BACH2: variants seen among roughly 807,000 people sequenced by gnomAD.
BACH2 encodes transcription regulator protein BACH2.
In BACH2, 5 loss-of-function variants were observed where a neutral mutation model predicts 61.8. The ratio of observed to expected loss-of-function variants is 0.08; its 90% CI spans 0.04 to 0.17. The LOEUF (loss-of-function observed/expected upper bound fraction) is 0.17, where lower values mean the gene tolerates loss of function less well. BACH2 is among the 10% of genes least tolerant of loss of function. The pLI, the probability that BACH2 is intolerant of heterozygous loss-of-function variation, is 1.00. For synonymous variants in BACH2, 446 were observed against 440.1 expected, an observed-to-expected ratio of 1.01 and a Z score of -0.17; for missense variants, 824 against 1,091.1, an observed-to-expected ratio of 0.76 and a Z score of 3.45.
intron 5 of BACH2, among the ~76,000 whole-genome samples, chr6:90,033,206 T>C (rs1779094139): frequency 6.6e-6 from 1 of 151,502 alleles, no homozygotes; most frequent in African/African-American, 2.4e-5. Flanking sequence ...GGGGCCTGTT[T>C]TGGGGAGGAG....
chr6:90,193,989 T>C (rs1054695653), intron 4 of BACH2, among the ~76,000 whole-genome samples: 1 of 152,136 alleles, frequency 6.6e-6, no homozygotes, highest in African/African-American at 2.4e-5. Context: ...CCAATAGAAG[T>C]AGAATTTCCT....
chr6:89,937,095 G>C (rs1328629026), intron 8 of BACH2, among the ~76,000 whole-genome samples: 7 of 152,046 alleles, frequency 4.6e-5, no homozygotes, highest in Non-Finnish European at 1.0e-4. Flanking sequence ...ACATAGCTCT[G>C]AGTATGGGGG....
intron 4 of BACH2, among the ~76,000 whole-genome samples, chr6:90,112,462 GA>G (rs1783215644): frequency 6.6e-6 from 1 of 152,134 alleles, no homozygotes; most frequent in African/African-American, 2.4e-5. Context: ...CATTCTTACA[GA>G]AAAAAGTCTT....
At chr6:89,939,788 C>G (rs972025031) in intron 7 of BACH2, among the ~76,000 whole-genome samples, 7 of 149,792 alleles carry the variant, frequency 4.7e-5, no homozygotes, top group African/African-American at 1.7e-4. Flanking sequence ...CCTTGGCCTC[C>G]CAAGTAGCTG....
At chr6:90,047,362 T>A (rs1471243354) in intron 5 of BACH2, among the ~76,000 whole-genome samples, 3 of 152,096 alleles carry the variant, frequency 2.0e-5, no homozygotes, top group African/African-American at 7.2e-5. Flanking sequence ...CTGGTGAGAA[T>A]CCAATGTCAG....
Position 89,950,737 on chromosome 6 carries a change from C to T in BACH2, c.1369G>A (p.Asp457Asn). Residue 457 changes from aspartate (D) to asparagine (N), a missense_variant, in exon 7 of 9, where the codon GAC (aspartate) becomes AAC (asparagine). Coordinates refer to ENST00000257749, the MANE Select transcript of BACH2 (RefSeq NM_021813.4). The surrounding 1 kb of genome is among the most constrained non-coding windows in gnomAD (Gnocchi z 5.3). ...SYSGVSSLDK[D>N]LSEPVPKGLW... ...CCCTTTGGCACCGGCTCAGAGAGGT[C>T]TTTGTCCAAACTGCTCACCCCAGAA... The T allele has an allele frequency of 6.2e-7, 1 of 1,614,152 alleles. No homozygotes were observed. The highest frequency in any genetic ancestry group is 8.5e-7 in the Non-Finnish European group (1 of 1,180,016).
chr6:90,133,656 A>G (rs1305938726), intron 4 of BACH2, among the ~76,000 whole-genome samples: 2 of 152,146 alleles, frequency 1.3e-5, no homozygotes, highest in African/African-American at 2.4e-5. Flanking sequence ...TCGTCATTTA[A>G]CATTAGGTAT....
At chr6:90,099,841 TCA>T (rs10539561) in intron 4 of BACH2, among the ~76,000 whole-genome samples, 41,962 of 151,982 alleles carry the variant, frequency 0.28, 6,872 homozygotes, top group Non-Finnish European at 0.38. Flanking sequence ...TTTAGTATAT[TCA>T]CAGAGTTGTG....
intron 5 of BACH2, among the ~76,000 whole-genome samples, chr6:90,029,116 C>T (rs1348387426): frequency 6.6e-6 from 1 of 152,190 alleles, no homozygotes; most frequent in East Asian, 1.9e-4. Flanking sequence ...CACCCAGACT[C>T]TCCCGGCCTG....
intron 5 of BACH2, among the ~76,000 whole-genome samples, chr6:90,031,008 G>C (rs1778948875): frequency 7.5e-6 from 1 of 133,774 alleles, no homozygotes; most frequent in African/African-American, 3.2e-5. Flanking sequence ...TATCCACCAT[G>C]ATCAAGTGGG....
chr6:90,154,086 T>A (rs1196911572), intron 4 of BACH2, among the ~76,000 whole-genome samples: 1 of 152,188 alleles, frequency 6.6e-6, no homozygotes, highest in African/African-American at 2.4e-5. Context: ...ATAGCATGTT[T>A]TTCTCAATAG....
At chr6:90,095,227 AG>A (rs1782333214) in intron 4 of BACH2, among the ~76,000 whole-genome samples, 1 of 128,650 alleles carries the variant, frequency 7.8e-6, no homozygotes, top group African/African-American at 3.2e-5. Flanking sequence ...TCAGAGATGA[AG>A]TTTTTTTTTT....
chr6:90,187,001 TTTTAA>T (rs1450914783), intron 4 of BACH2, among the ~76,000 whole-genome samples: 31 of 152,340 alleles, frequency 2.0e-4, no homozygotes, highest in South Asian at 4.1e-4. Context: ...ATTATGCCAC[TTTTAA>T]TTTGAGTCTG....
At chr6:90,003,443 C>G (rs574711247) in intron 6 of BACH2, among the ~76,000 whole-genome samples, 36 of 152,198 alleles carry the variant, frequency 2.4e-4, no homozygotes, top group Admixed American at 3.9e-4. Context: ...TGTATCCTAA[C>G]TCCCTTCTCT....
chr6:90,007,856 G>A (rs1169824512), intron 6 of BACH2, among the ~76,000 whole-genome samples: 4 of 152,182 alleles, frequency 2.6e-5, no homozygotes, highest in Non-Finnish European at 5.9e-5. Context: ...CGAACACAAA[G>A]TATTATCCTT....
At chr6:90,057,529 G>A (rs560896998) in intron 5 of BACH2, among the ~76,000 whole-genome samples, 1 of 152,206 alleles carries the variant, frequency 6.6e-6, no homozygotes, top group African/African-American at 2.4e-5. Context: ...ATTCACAGCC[G>A]AATTCTACCA....
intron 3 of BACH2, among the ~76,000 whole-genome samples, chr6:90,220,244 G>C (rs1206075741): frequency 6.6e-6 from 1 of 152,134 alleles, no homozygotes; most frequent in African/African-American, 2.4e-5. Context: ...AGATGTATTT[G>C]ATATATAGAA....
intron 2 of BACH2, among the ~76,000 whole-genome samples, chr6:90,267,465 ACT>A (rs1771375154): frequency 6.6e-6 from 1 of 152,102 alleles, no homozygotes; most frequent in East Asian, 1.9e-4. Flanking sequence ...TGCAGGTGTG[ACT>A]CTACAGCAAT....
chr6:90,168,809 T>C (rs1252815487), intron 4 of BACH2, among the ~76,000 whole-genome samples: 1 of 152,224 alleles, frequency 6.6e-6, no homozygotes, highest in Non-Finnish European at 1.5e-5. Context: ...GGGCACTGCA[T>C]AACTTTAAAT....
Sources: gnomAD v4.1 joint callset for allele counts (sites outside exome capture counted in the v4.1 genomes callset) on GRCh38, gnomAD v4.1.1 for gene constraint, Gnocchi (gnomAD v3.1) non-coding constraint, MANE v1.5 for transcripts, NCBI Gene and HGNC (gene_info 2026-07-23, HGNC 2026-07-21) for gene names.